SVEP1: variants seen among roughly 807,000 people sequenced by gnomAD.
SVEP1 encodes the protein sushi, von Willebrand factor type A, EGF and pentraxin domain containing 1.
In SVEP1, 164 loss-of-function variants were observed where a neutral mutation model predicts 367.3. That is an observed-to-expected ratio of 0.45 (90% CI 0.39 to 0.51). The LOEUF is 0.51. Ranked by LOEUF, SVEP1 falls within the 20% of genes least tolerant of loss-of-function variation. The pLI, the probability that SVEP1 is intolerant of heterozygous loss-of-function variation, is 0.00. For missense variants in SVEP1, 4,117 were observed against 4,425.3 expected, an observed-to-expected ratio of 0.93 and a Z score of 1.98; for synonymous variants, 1,666 against 1,611.6, an observed-to-expected ratio of 1.03 and a Z score of -0.81.
chr9:110,491,102 G>A, intron 8 of SVEP1, among the ~76,000 whole-genome samples: 1 of 151,754 alleles, frequency 6.6e-6, no homozygotes, highest in South Asian at 2.1e-4. Flanking sequence ...ATCACTCACT[G>A]ATTCCCCTTT....
chr9:110,491,339 AAATTTT>A (rs1431248914), intron 8 of SVEP1, among the ~76,000 whole-genome samples: 5 of 151,920 alleles, frequency 3.3e-5, no homozygotes, highest in Non-Finnish European at 5.9e-5. Context: ...TTTGCTTTTT[AAATTTT>A]TTCTTTCAGA....
intron 1 of SVEP1, among the ~76,000 whole-genome samples, chr9:110,561,368 T>C (rs997531418): frequency 1.3e-5 from 2 of 152,212 alleles, no homozygotes; most frequent in African/African-American, 4.8e-5. Context: ...TAAATTCTTG[T>C]AGGTCTGACT....
In SVEP1 at chr9:110,546,217, A is replaced by G; in HGVS notation, c.862T>C (p.Cys288Arg). 1 of 1,584,614 alleles carries G rather than the reference A, an allele frequency of 6.3e-7. No individual in the cohort carries two copies. Among genetic ancestry groups the G allele is most frequent in the East Asian group, 2.3e-5 (1 of 43,698 alleles). ...SYLCDEGKDCCDRMGSCKCGT... is the reference protein window; with the variant it reads ...SYLCDEGKDCRDRMGSCKCGT... ...CATTTGCAGCTTCCCATTCGGTCACAGCAGTCCTTGCCTTCATCACAAAGA... is the reference window on the plus strand; with the variant it reads ...CATTTGCAGCTTCCCATTCGGTCACGGCAGTCCTTGCCTTCATCACAAAGA... The change falls in exon 3 of 48, where the codon TGT (cysteine) becomes CGT (arginine). Residue 288 changes from cysteine (C) to arginine (R), a missense_variant. Physicochemically the swap from Cys to Arg is radical, Grantham distance 180. Coordinates refer to ENST00000374469, the MANE Select transcript of SVEP1 (RefSeq NM_153366.4).
At chr9:110,376,549 T>C (rs1384723613) in intron 45 of SVEP1, among the ~76,000 whole-genome samples, 1 of 152,192 alleles carries the variant, frequency 6.6e-6, no homozygotes, top group Admixed American at 6.5e-5. Context: ...AACATTTTAG[T>C]CTCTTATAAA....
intron 7 of SVEP1, 97 bp downstream of exon 7, chr9:110,498,944 T>C: frequency 9.2e-7 from 1 of 1,082,504 alleles, no homozygotes; most frequent in South Asian, 2.2e-5. Flanking sequence ...TTATCATGGG[T>C]TTGCAGCAAA....
rs375128017 is a variant in SVEP1, at chr9:110,406,612, A to G, written c.8988T>C (p.Ser2996=). ...AAGGCAGGCAGGAAGGTGAGCTGCC[A>G]CTCCAGGAGCCATTGGAGAGGCACC... ...SRRCLSNGSW[S]GSSPSCLPCR... is the part of the protein sequence containing the mutation. Residue 2996 remains serine (S), a synonymous_variant, in exon 38 of 48, where the codon AGT becomes AGC. Coordinates refer to ENST00000374469, the MANE Select transcript of SVEP1 (RefSeq NM_153366.4). 2.0e-5 allele frequency: 32 copies of G among 1,613,728 alleles called. No homozygotes were observed. Among genetic ancestry groups the G allele is most frequent in the Non-Finnish European group, 2.7e-5 (32 of 1,179,866 alleles).
intron 3 of SVEP1, among the ~76,000 whole-genome samples, chr9:110,540,491 A>G (rs1368129180): frequency 2.0e-5 from 3 of 152,112 alleles, no homozygotes; most frequent in Non-Finnish European, 4.4e-5. Context: ...TTTGTAAAAC[A>G]TTGATTGATT....
chr9:110,366,281 TGAGGGTAG>T lies in SVEP1; in HGVS notation c.*250_*257del, dbSNP rs3831123. 40,113 of 367,850 alleles carry T rather than the reference TGAGGGTAG, an allele frequency of 0.11. 3,417 individuals carry two copies. Among genetic ancestry groups the T allele is most frequent in the East Asian group, 0.37 (9,366 of 25,094 alleles). 22.8% of individuals were successfully genotyped at this position (367,850 alleles called of 1,614,324 possible). A position where few individuals can be genotyped will look rare whatever the true frequency, so the allele number is the denominator to read the frequency against. On this transcript the variant is annotated 3_prime_UTR_variant, in exon 48 of 48. Transcript: ENST00000374469. ...TAGACAGCAGAATATGTACATTTTG[TGAGGGTAG>T]AGCAGCATCTATTTAATATAATTTT...
rs760875996 is a variant in SVEP1, at chr9:110,434,347, G to A, written c.5048C>T (p.Pro1683Leu). 7 of 1,603,708 alleles carry A rather than the reference G, an allele frequency of 4.4e-6. No homozygotes were observed. In the Admixed American group the frequency reaches 8.4e-5, roughly 19 times the overall value. The change falls in exon 30 of 48, where the codon CCT becomes CTT. Residue 1683 changes from proline (P) to leucine (L), a missense_variant. This residue lies in a region of SVEP1 where 2,174 missense variants were observed against 2,494.3 expected (regional missense o/e 0.87). Coordinates refer to ENST00000374469, the MANE Select transcript of SVEP1 (RefSeq NM_153366.4). ...LNQGQWTQPL[P>L]HCERISCGVP... ...GAAAGGCAGCTCACGTTCACAGTGAGGAAGTGGTTGTGTCCACTGTCCTTG... is the reference window on the plus strand; with the variant it reads ...GAAAGGCAGCTCACGTTCACAGTGAAGAAGTGGTTGTGTCCACTGTCCTTG...
chr9:110,495,275 C>G (rs1829428728), intron 8 of SVEP1, among the ~76,000 whole-genome samples: 1 of 152,120 alleles, frequency 6.6e-6, no homozygotes, highest in Non-Finnish European at 1.5e-5. Context: ...ATCCCTGGAA[C>G]CTGTGAACAC....
At chr9:110,563,759 C>T (rs1830457065) in intron 1 of SVEP1, among the ~76,000 whole-genome samples, 1 of 152,166 alleles carries the variant, frequency 6.6e-6, no homozygotes, top group African/African-American at 2.4e-5. Context: ...TCCAACATTA[C>T]ATTTATTTCC....
chr9:110,520,809 C>T (rs1385956759), intron 3 of SVEP1, among the ~76,000 whole-genome samples: 1 of 152,112 alleles, frequency 6.6e-6, no homozygotes, highest in Admixed American at 6.5e-5. Flanking sequence ...TATTTCCTTG[C>T]ACAATTCATC....
At position 110,379,492 on chromosome 9, in the gene SVEP1, G is replaced by T. The variant is rs200790939; in HGVS notation, c.10263C>A (p.His3421Gln). Residue 3421 changes from histidine to glutamine, a missense_variant, in exon 44 of 48, where the codon CAC (histidine) becomes CAA (glutamine). By Grantham distance (24) the His-to-Gln change is conservative (BLOSUM62 0). Coordinates refer to ENST00000374469, the MANE Select transcript of SVEP1 (RefSeq NM_153366.4). ...CGCCTCGAGCAATTGCATTTTCTAC[G>T]TGAGCTGGTGGACCACATGAGATTT... The part of the protein sequence containing the change: ...CEKISCGPPA[H>Q]VENAIARGVH... The T allele has an allele frequency of 6.2e-7, 1 of 1,613,578 alleles. No individual in the cohort carries two copies. The highest frequency in any genetic ancestry group is 1.7e-5 in the Admixed American group (1 of 59,974).
At chr9:110,409,778 C>T (rs1392164110) in intron 37 of SVEP1, among the ~76,000 whole-genome samples, 4 of 151,970 alleles carry the variant, frequency 2.6e-5, no homozygotes, top group African/African-American at 9.7e-5. Flanking sequence ...AAATAATATC[C>T]TATCTTTTAA....
At chr9:110,472,966 A>G (rs1044511290) in intron 14 of SVEP1, among the ~76,000 whole-genome samples, 8 of 152,112 alleles carry the variant, frequency 5.3e-5, no homozygotes, top group African/African-American at 1.9e-4. Context: ...AATCTTAGTC[A>G]AGTTACTTTC....
chr9:110,513,436 TAG>T (rs550266398), intron 4 of SVEP1, among the ~76,000 whole-genome samples: 22 of 152,280 alleles, frequency 1.4e-4, no homozygotes, highest in African/African-American at 5.1e-4. Flanking sequence ...TTGACTAAGG[TAG>T]AATAAAACAA....
intron 3 of SVEP1, among the ~76,000 whole-genome samples, chr9:110,541,306 A>G (rs936455302): frequency 2.6e-5 from 4 of 152,194 alleles, no homozygotes; most frequent in East Asian, 1.9e-4. Context: ...CTGAAGCTTA[A>G]TAACATCTGC....
intron 40 of SVEP1, among the ~76,000 whole-genome samples, chr9:110,390,118 CATACATACTTATATAAGTATAT>C (rs1206456969): frequency 2.1e-5 from 2 of 95,984 alleles, no homozygotes; most frequent in East Asian, 1.7e-3. Flanking sequence ...AGTATATATA[CATACATACTTATATAAGTATAT>C]ATACAAGTAT....
chr9:110,371,075 A>G (rs568093758), intron 46 of SVEP1, among the ~76,000 whole-genome samples: 12 of 152,350 alleles, frequency 7.9e-5, no homozygotes, highest in African/African-American at 2.9e-4. Flanking sequence ...GAAGACAAGT[A>G]AAATACGTCT....
Sources: gnomAD v4.1 joint callset for allele counts (sites outside exome capture counted in the v4.1 genomes callset) on GRCh38, gnomAD v4.1.1 for gene constraint, gnomAD v4.1.1 regional missense constraint, MANE v1.5 for transcripts, NCBI Gene and HGNC (gene_info 2026-07-23, HGNC 2026-07-21) for gene names.